The following SHANK2 variants were observed in gnomAD, a reference collection of about 807,000 sequenced individuals.
SHANK2 encodes the protein SH3 and multiple ankyrin repeat domains 2.
A neutral mutation model predicts 133.7 loss-of-function variants in SHANK2; 43 were observed. The ratio of observed to expected loss-of-function variants is 0.32; its 90% CI spans 0.25 to 0.41. SHANK2 has a LOEUF of 0.41. SHANK2 is among the 10% of genes least tolerant of loss of function. The probability of loss-of-function intolerance (pLI) is 1.00; values close to 1 mark genes in which losing one functional copy is unlikely to be tolerated. For synonymous variants in SHANK2, 1,017 were observed against 952.8 expected (o/e 1.07, Z -1.24); for missense variants, 1,994 against 2,235.8 (o/e 0.89, Z 2.18).
Position 70,940,216 on chromosome 11 carries a change from T to TCCC in SHANK2, c.1108-43650_1108-43649insGGG, listed in dbSNP as rs1555084143. Among the ~76,000 whole-genome samples the TCCC allele has an allele frequency of 8.6e-4, 68 of 78,846 alleles. 4 individuals are homozygous for TCCC. The highest frequency in any genetic ancestry group is 2.3e-3 in the African/African-American group (21 of 9,176). The allele number at this position is 78,846 out of a possible 152,430, so 51.7% of individuals were successfully genotyped here. A position where few individuals can be genotyped will look rare whatever the true frequency, so the allele number is the denominator to read the frequency against. Reference sequence around the variant, plus strand: ...CTTCCTTCCTGCCTTCCTCCTTCCCTTCCTCCCTCCCTCCCTTCTTCTCTC... The same window carrying TCCC: ...CTTCCTTCCTGCCTTCCTCCTTCCCTCCCTCCTCCCTCCCTCCCTTCTTCTCTC... On this transcript the variant is annotated intron_variant, in intron 10 of 25. Coordinates refer to ENST00000601538, the MANE Select transcript of SHANK2 (RefSeq NM_012309.5).
At chr11:70,733,328 A>C (rs1411595776) in intron 14 of SHANK2, among the ~76,000 whole-genome samples, 1 of 152,200 alleles carries the variant, frequency 6.6e-6, no homozygotes, top group Non-Finnish European at 1.5e-5. Flanking sequence ...CAAGGAGTTG[A>C]TTCATATTAA....
intron 11 of SHANK2, 46 bp from the exon 12 acceptor site, chr11:70,820,728 G>A (rs113551049): frequency 1.8e-4 from 114 of 622,224 alleles, no homozygotes; most frequent in African/African-American, 1.7e-3. Context: ...CATCTGTGTC[G>A]TGGTCAGCTG....
At position 70,739,428 on chromosome 11, in the gene SHANK2, G is replaced by A. The variant is rs1555034270; in HGVS notation, c.1778-40665C>T. On this transcript the variant is annotated intron_variant, in intron 14 of 25. Coordinates refer to ENST00000601538, the MANE Select transcript of SHANK2 (RefSeq NM_012309.5). The surrounding 1 kb of genome is among the most constrained non-coding windows in gnomAD (Gnocchi z 4.3). ...GCCAGGCACAGACTCCAGCCTTGACGCCCAGGCTGCCCCGTCCTCTCCTCT... is the reference window on the plus strand; with the variant it reads ...GCCAGGCACAGACTCCAGCCTTGACACCCAGGCTGCCCCGTCCTCTCCTCT... Among the ~76,000 whole-genome samples the A allele has an allele frequency of 2.0e-5, 3 of 152,172 alleles. No individual in the cohort carries two copies. Among genetic ancestry groups the A allele is most frequent in the South Asian group, 4.1e-4 (2 of 4,822 alleles).
At chr11:70,515,079 C>T (rs751034564) in intron 17 of SHANK2, among the ~76,000 whole-genome samples, 27 of 152,162 alleles carry the variant, frequency 1.8e-4, no homozygotes, top group Non-Finnish European at 3.5e-4. Flanking sequence ...CTTGCTCTGT[C>T]GCCCAGGCTG....
intron 17 of SHANK2, among the ~76,000 whole-genome samples, chr11:70,609,720 T>C (rs11599938): frequency 0.021 from 560 of 26,896 alleles, 3 homozygotes; most frequent in African/African-American, 0.057. Context: ...TACTATATTG[T>C]ATATTGTATA....
chr11:71,179,428 C>T (rs1953510105), intron 2 of SHANK2, among the ~76,000 whole-genome samples: 1 of 152,130 alleles, frequency 6.6e-6, no homozygotes, highest in Non-Finnish European at 1.5e-5. Flanking sequence ...GATAAAATCC[C>T]TCAGCAAAGC....
intron 14 of SHANK2, among the ~76,000 whole-genome samples, chr11:70,747,577 C>A (rs1286216339): frequency 2.0e-5 from 3 of 152,190 alleles, no homozygotes; most frequent in African/African-American, 4.8e-5. Flanking sequence ...TGGTGGCCAC[C>A]AGGCTTGCGT....
rs1036910673 is a variant in SHANK2, at chr11:70,830,620, C to T, written c.1175-9938G>A. ...AACAAGTATTCCGAGGATGACCGAG[C>T]GCTAGTGGTTGAGATGAAAATTAAG... On this transcript the variant is annotated intron_variant, in intron 11 of 25. Coordinates refer to ENST00000601538, the MANE Select transcript of SHANK2 (RefSeq NM_012309.5). The surrounding 1 kb of genome is among the most constrained non-coding windows in gnomAD (Gnocchi z 4.4). Among the ~76,000 whole-genome samples the T allele has an allele frequency of 2.0e-5, 3 of 152,176 alleles. No individual in the cohort carries two copies. Among genetic ancestry groups the T allele is most frequent in the Admixed American group, 1.3e-4 (2 of 15,288 alleles).
At position 71,194,884 on chromosome 11, in the gene SHANK2, G is replaced by A. The variant is rs531491704; in HGVS notation, c.-13+29813C>T. Among the ~76,000 whole-genome samples, 6 of 152,260 alleles carry A rather than the reference G, an allele frequency of 3.9e-5. No individual in the cohort carries two copies. The South Asian group carries it at 1.0e-3, about 26-fold the overall frequency. ...GAAGAAGCAAATCCTGGGTCCCAGC[G>A]CTACATCCACCCCAGTCAAAGGTCA... On this transcript the variant is annotated intron_variant, in intron 2 of 25. Transcript: ENST00000601538.
At chr11:71,183,045 G>A (rs1164146623) in intron 2 of SHANK2, among the ~76,000 whole-genome samples, 1 of 152,132 alleles carries the variant, frequency 6.6e-6, no homozygotes, top group Non-Finnish European at 1.5e-5. Context: ...AAACTCTGGT[G>A]AGCTCACTTG....
chr11:71,130,191 TG>T, intron 3 of SHANK2, among the ~76,000 whole-genome samples: 1 of 152,302 alleles, frequency 6.6e-6, no homozygotes, highest in Non-Finnish European at 1.5e-5. Context: ...GAAATTTTGG[TG>T]GGGGAGAGAC....
At chr11:70,539,356 G>A (rs1222687392) in intron 17 of SHANK2, among the ~76,000 whole-genome samples, 1 of 152,226 alleles carries the variant, frequency 6.6e-6, no homozygotes, top group African/African-American at 2.4e-5. Flanking sequence ...AGAAAGTAGA[G>A]TAAATGAAGA....
intron 17 of SHANK2, among the ~76,000 whole-genome samples, chr11:70,637,871 G>T (rs1486414832): frequency 1.3e-5 from 2 of 152,230 alleles, no homozygotes; most frequent in East Asian, 3.9e-4. Context: ...CAGTGACGGG[G>T]CTGGAGCCCT....
rs1555055674 is a variant in SHANK2 at position 70,820,564 on chromosome 11, G to A, written c.1293C>T (p.Pro431=). The A allele has an allele frequency of 7.0e-6, 5 of 716,940 alleles. No homozygotes were observed. The highest frequency in any genetic ancestry group is 2.7e-5 in the East Asian group (1 of 37,272). The allele number at this position is 716,940 out of a possible 1,614,324, so 44.4% of individuals were successfully genotyped here. ...TGGCCGTGGAGCAGACGGCCCAGTC[G>A]GGAGCGCTGGCATTGAGGTTGTTGT... ...NSDNNLNASA[P]DWAVCSTATS... is the part of the protein sequence containing the mutation. The change falls in exon 12 of 26, where the codon CCC becomes CCT. Residue 431 remains proline (P), a synonymous_variant. Coordinates refer to ENST00000601538, the MANE Select transcript of SHANK2 (RefSeq NM_012309.5).
intron 2 of SHANK2, among the ~76,000 whole-genome samples, chr11:71,168,916 T>C (rs1953248303): frequency 6.6e-6 from 1 of 152,188 alleles, no homozygotes; most frequent in East Asian, 1.9e-4. Flanking sequence ...AAAGGTCAAC[T>C]GAGGCAGAAT....
chr11:70,583,971 C>A (rs1033059664), intron 17 of SHANK2, among the ~76,000 whole-genome samples: 2 of 152,212 alleles, frequency 1.3e-5, no homozygotes, highest in Non-Finnish European at 2.9e-5. Flanking sequence ...CCTCCTGCTT[C>A]CCTCTAACCT....
chr11:70,582,902 C>T (rs140504441), intron 17 of SHANK2, among the ~76,000 whole-genome samples: 2 of 152,282 alleles, frequency 1.3e-5, no homozygotes, highest in Non-Finnish European at 2.9e-5. Context: ...GAGCAGGACC[C>T]TCAGGTGTTG....
At chr11:71,130,479 G>A (rs1212489354) in intron 3 of SHANK2, among the ~76,000 whole-genome samples, 1 of 152,162 alleles carries the variant, frequency 6.6e-6, no homozygotes, top group Non-Finnish European at 1.5e-5. Flanking sequence ...CGATGATGAC[G>A]GGTGATTTTG....
intron 2 of SHANK2, among the ~76,000 whole-genome samples, chr11:71,152,714 A>G (rs1555108344): frequency 6.6e-6 from 1 of 152,142 alleles, no homozygotes; most frequent in African/African-American, 2.4e-5. Context: ...GAAGCAGGTG[A>G]GCAGAGAGGA....
Sources: allele counts gnomAD v4.1 joint callset (sites outside exome capture counted in the v4.1 genomes callset), GRCh38; gene constraint gnomAD v4.1.1; non-coding constraint Gnocchi (gnomAD v3.1); transcripts MANE v1.5; gene names NCBI Gene and HGNC (gene_info 2026-07-23, HGNC 2026-07-21).